FGF14: variants seen among roughly 807,000 people sequenced by gnomAD.
FGF14 encodes the protein fibroblast growth factor 14.
A neutral mutation model predicts 25.5 loss-of-function variants in FGF14; 5 were observed. That is an observed-to-expected ratio of 0.20 (90% CI 0.10 to 0.41). FGF14 has a LOEUF of 0.41. FGF14 is among the 10% of genes least tolerant of loss of function. The pLI, the probability that FGF14 is intolerant of heterozygous loss-of-function variation, is 1.00. For synonymous variants in FGF14, 138 were observed against 118.3 expected (o/e 1.17, Z -1.08); for missense variants, 222 against 320.1 (o/e 0.69, Z 2.34).
At chr13:101,968,647 TG>T (rs2037381269) in intron 1 of FGF14, among the ~76,000 whole-genome samples, 2 of 128,744 alleles carry the variant, frequency 1.6e-5, no homozygotes, top group African/African-American at 6.1e-5. Flanking sequence ...CAATCCAGCC[TG>T]GGCGACAGAG....
At chr13:102,008,561 G>A (rs1057450210) in intron 1 of FGF14, among the ~76,000 whole-genome samples, 1 of 152,156 alleles carries the variant, frequency 6.6e-6, no homozygotes, top group African/African-American at 2.4e-5. Flanking sequence ...GTAATGTAAT[G>A]TAATTCCATT....
At chr13:101,943,348 G>A (rs1411336253) in intron 1 of FGF14, among the ~76,000 whole-genome samples, 2 of 152,174 alleles carry the variant, frequency 1.3e-5, no homozygotes. Flanking sequence ...GAAAGACATG[G>A]ATATAAACCA....
rs144608183 is a variant in FGF14 at position 101,978,732 on chromosome 13, C to A, written c.209-103436G>T. Among the ~76,000 whole-genome samples the A allele has an allele frequency of 7.1e-3, 1,084 of 152,240 alleles. 12 individuals are homozygous for A. Among genetic ancestry groups the A allele is most frequent in the Middle Eastern group, 0.048 (14 of 294 alleles). On this transcript the variant is annotated intron_variant, in intron 1 of 4. Coordinates refer to the FGF14 transcript ENST00000376131. ...TGCCAGTTCTACTTTCAGAGTAGCT[C>A]CACTGAAATGAATGAATTACCTCTT... is the stretch of plus-strand genomic sequence containing the variant.
intron 3 of FGF14, among the ~76,000 whole-genome samples, chr13:101,817,520 G>A (rs537377855): frequency 6.6e-6 from 1 of 152,260 alleles, no homozygotes; most frequent in East Asian, 1.9e-4. Flanking sequence ...TATACCTGCA[G>A]GTACACAATT....
chr13:102,296,453 A>G (rs2054717704), intron 1 of FGF14, among the ~76,000 whole-genome samples: 1 of 152,176 alleles, frequency 6.6e-6, no homozygotes, highest in South Asian at 2.1e-4. Context: ...ACTTATGGAC[A>G]CTTCATTGGC....
chr13:101,819,788 A>G (rs1157688792), intron 3 of FGF14, among the ~76,000 whole-genome samples: 1 of 152,218 alleles, frequency 6.6e-6, no homozygotes, highest in Admixed American at 6.5e-5. Context: ...TTATGATAAG[A>G]GAGAAAACAT....
rs1246700936 is a variant in FGF14 at position 101,850,277 on chromosome 13, TCCAAAAAAAA to T, written c.408+18438_408+18447del. 6.5e-4 allele frequency among the ~76,000 whole-genome samples: 23 copies of T among 35,616 alleles called. 2 individuals are homozygous for T. The highest frequency in any genetic ancestry group is 4.3e-3 in the South Asian group (4 of 940). 23.4% of individuals were successfully genotyped at this position (35,616 alleles called of 152,430 possible). A position where few individuals can be genotyped will look rare whatever the true frequency, so the allele number is the denominator to read the frequency against. On this transcript the variant is annotated intron_variant, in intron 3 of 4. Coordinates refer to ENST00000376143, the MANE Select transcript of FGF14 (RefSeq NM_004115.4). The stretch of plus-strand genomic sequence containing the variant: ...GGTGAAACCCTGCCTCTACTAAAAA[TCCAAAAAAAA>T]AAAAAAAAAAAAAAAAAATAGCCGG...
intron 1 of FGF14, among the ~76,000 whole-genome samples, chr13:101,888,045 C>T (rs918778603): frequency 1.3e-5 from 2 of 152,084 alleles, no homozygotes; most frequent in African/African-American, 4.8e-5. Flanking sequence ...GAGATGTCCT[C>T]CTGGGAGGAA....
chr13:101,886,713 C>T (rs1009285653), intron 1 of FGF14, among the ~76,000 whole-genome samples: 2 of 152,060 alleles, frequency 1.3e-5, no homozygotes, highest in African/African-American at 4.8e-5. Flanking sequence ...ATCAAGCTGA[C>T]AAACTTTTGC....
At chr13:102,251,290 T>C (rs960246653) in intron 1 of FGF14, among the ~76,000 whole-genome samples, 1 of 152,134 alleles carries the variant, frequency 6.6e-6, no homozygotes, top group African/African-American at 2.4e-5. Context: ...AAATTCCTTT[T>C]ATTTCCTGTC....
rs370340297 is a variant in FGF14, at chr13:101,846,311, TA to T, written c.408+22413del. On this transcript the variant is annotated intron_variant, in intron 3 of 4. Coordinates refer to ENST00000376143, the MANE Select transcript of FGF14 (RefSeq NM_004115.4). ...TTAAAAAAATTACTCCATCTTTTTTTAAAAAAAAAATCATCAGCCTTTATGA... is the reference window on the plus strand; with the variant it reads ...TTAAAAAAATTACTCCATCTTTTTTTAAAAAAAAATCATCAGCCTTTATGA... 4.0e-3 allele frequency among the ~76,000 whole-genome samples: 599 copies of T among 150,130 alleles called. 5 individuals are homozygous for T. Among genetic ancestry groups the T allele is most frequent in the Middle Eastern group, 0.01 (3 of 290 alleles).
At position 101,820,808 on chromosome 13, in the gene FGF14, C is replaced by A. The variant is rs868690160; in HGVS notation, c.408+47917G>T. ...CACACACACACACACACACACACAACACACACACACACACCACACACACAG... is the reference window on the plus strand; with the variant it reads ...CACACACACACACACACACACACAAAACACACACACACACCACACACACAG... On this transcript the variant is annotated intron_variant, in intron 3 of 4. Transcript: ENST00000376143. Among the ~76,000 whole-genome samples the A allele has an allele frequency of 2.2e-5, 3 of 137,006 alleles. 1 individual carries two copies. The highest frequency in any genetic ancestry group is 4.8e-5 in the Non-Finnish European group (3 of 63,060). 89.9% of individuals were successfully genotyped at this position (137,006 alleles called of 152,430 possible). A position where few individuals can be genotyped will look rare whatever the true frequency, so the allele number is the denominator to read the frequency against.
intron 1 of FGF14, among the ~76,000 whole-genome samples, chr13:101,997,735 G>C (rs961948411): frequency 6.6e-6 from 1 of 152,138 alleles, no homozygotes; most frequent in Non-Finnish European, 1.5e-5. Flanking sequence ...ACAGAGTTTG[G>C]GAGTTTAGAA....
chr13:102,107,002 G>C (rs944452187), intron 1 of FGF14, among the ~76,000 whole-genome samples: 1 of 152,190 alleles, frequency 6.6e-6, no homozygotes, highest in Non-Finnish European at 1.5e-5. Flanking sequence ...ACCATTTAGA[G>C]TGTGGACTGT....
At chr13:102,070,703 C>T (rs2043118078) in intron 1 of FGF14, among the ~76,000 whole-genome samples, 1 of 152,036 alleles carries the variant, frequency 6.6e-6, no homozygotes, top group Non-Finnish European at 1.5e-5. Context: ...AATATTTTGA[C>T]AAAGGAATTG....
chr13:102,208,122 G>A (rs1165580883), intron 1 of FGF14, among the ~76,000 whole-genome samples: 1 of 152,130 alleles, frequency 6.6e-6, no homozygotes, highest in African/African-American at 2.4e-5. Flanking sequence ...TTCAACTAAG[G>A]CAACACATAG....
At chr13:102,359,391 C>T (rs2057504905) in intron 1 of FGF14, among the ~76,000 whole-genome samples, 1 of 152,112 alleles carries the variant, frequency 6.6e-6, no homozygotes, top group Non-Finnish European at 1.5e-5. Context: ...ATTGTTGCAC[C>T]TTAATATTTC....
At position 101,722,925 on chromosome 13, in the gene FGF14, G is replaced by A. The variant is rs535952842; in HGVS notation, c.650C>T (p.Thr217Met). Residue 217 changes from threonine (T) to methionine (M), a missense_variant, in exon 5 of 5, where the codon ACG becomes ATG. Physicochemically the swap from Thr to Met is moderately conservative, Grantham distance 81 (BLOSUM62 -1). Transcript: ENST00000376143. ...REPSLHDVGE[T>M]VPKPGVTPSK... Reference sequence around the variant, plus strand: ...TGGCGTCACCCCAGGCTTCGGGACCGTTTCCCCAACATCATGCAAAGATGG... The same window carrying A: ...TGGCGTCACCCCAGGCTTCGGGACCATTTCCCCAACATCATGCAAAGATGG... The A allele has an allele frequency of 7.6e-5, 122 of 1,613,088 alleles. No homozygotes were observed. The South Asian group carries it at 8.9e-4, about 12-fold the overall frequency.
At chr13:102,151,887 C>A (rs918082272) in intron 1 of FGF14, among the ~76,000 whole-genome samples, 1 of 152,142 alleles carries the variant, frequency 6.6e-6, no homozygotes, top group Non-Finnish European at 1.5e-5. Flanking sequence ...TTATGTAACT[C>A]TATAGCTTGT....
Sources: gnomAD v4.1 joint callset for allele counts (sites outside exome capture counted in the v4.1 genomes callset) on GRCh38, gnomAD v4.1.1 for gene constraint, MANE v1.5 for transcripts, NCBI Gene and HGNC (gene_info 2026-07-23, HGNC 2026-07-21) for gene names.